The following CSMD1 variants were observed in gnomAD, a reference collection of about 807,000 sequenced individuals.
The protein encoded by CSMD1 is CUB and sushi domain-containing protein 1.
CSMD1 carries 213 observed loss-of-function variants against 417.5 expected under a neutral mutation model. The observed-to-expected ratio is 0.51, with a 90% CI of 0.46 to 0.57. The LOEUF (loss-of-function observed/expected upper bound fraction) is 0.57. Among genes scored for constraint, CSMD1 ranks in the 20% least tolerant of loss-of-function variants. The pLI, the probability that CSMD1 is intolerant of heterozygous loss-of-function variation, is 0.00. For synonymous variants in CSMD1, 2,862 were observed against 1,736.8 expected (o/e 1.65, Z -16.11); for missense variants, 6,923 against 4,529.7 (o/e 1.53, Z -15.17).
At position 3,315,903 on chromosome 8, in the gene CSMD1, C is replaced by T. The variant is rs187614278; in HGVS notation, c.3632-7400G>A. ...AATTTTAAATACATTACATTAATCC[C>T]AAGTGAATTTAATGCTGGTTGTACT... On this transcript the variant is annotated intron_variant, in intron 23 of 69. Coordinates refer to ENST00000635120, the MANE Select transcript of CSMD1 (RefSeq NM_033225.6). Among the ~76,000 whole-genome samples, 87 of 152,224 alleles carry T rather than the reference C, an allele frequency of 5.7e-4. 1 individual carries two copies. The Middle Eastern group carries it at 0.041, about 71-fold the overall frequency.
chr8:3,272,230 C>A (rs1304901625), intron 26 of CSMD1, among the ~76,000 whole-genome samples: 1 of 145,664 alleles, frequency 6.9e-6, no homozygotes, highest in Non-Finnish European at 1.5e-5. Flanking sequence ...TGTCAAAGAT[C>A]AGATAGTTGT....
intron 1 of CSMD1, among the ~76,000 whole-genome samples, chr8:4,927,295 C>T (rs918082126): frequency 6.6e-6 from 1 of 151,804 alleles, no homozygotes; most frequent in African/African-American, 2.4e-5. Context: ...CGTCCTCAAG[C>T]GATCTGCCAG....
chr8:4,086,645 C>G (rs527760775), intron 3 of CSMD1, among the ~76,000 whole-genome samples: 2 of 152,170 alleles, frequency 1.3e-5, no homozygotes, highest in East Asian at 1.9e-4. Flanking sequence ...ATGCACCAAG[C>G]GATTTCATTC....
chr8:4,318,890 G>A (rs1034915157), intron 3 of CSMD1, among the ~76,000 whole-genome samples: 2 of 152,146 alleles, frequency 1.3e-5, no homozygotes, highest in East Asian at 1.9e-4. Context: ...CTAAATGAAC[G>A]TACTTTCTGA....
At chr8:4,243,628 G>T (rs982864423) in intron 3 of CSMD1, among the ~76,000 whole-genome samples, 1 of 152,042 alleles carries the variant, frequency 6.6e-6, no homozygotes, top group Admixed American at 6.6e-5. Flanking sequence ...CGAAAACACA[G>T]AAAATTATTA....
intron 3 of CSMD1, among the ~76,000 whole-genome samples, chr8:4,158,624 T>G (rs1033458003): frequency 1.3e-5 from 2 of 152,102 alleles, no homozygotes; most frequent in Non-Finnish European, 2.9e-5. Context: ...AATGATAATT[T>G]TCACAGTGGC....
intron 3 of CSMD1, among the ~76,000 whole-genome samples, chr8:4,056,367 G>T (rs1210101395): frequency 6.6e-6 from 1 of 150,676 alleles, no homozygotes; most frequent in Non-Finnish European, 1.5e-5. Context: ...ATAGGCATGA[G>T]CCACCATGCC....
chr8:3,257,668 G>A (rs1490926582), intron 26 of CSMD1, among the ~76,000 whole-genome samples: 1 of 152,152 alleles, frequency 6.6e-6, no homozygotes, highest in Non-Finnish European at 1.5e-5. Context: ...AGGCTACTGA[G>A]AAGGAGAACT....
At chr8:3,837,323 T>C (rs1261521390) in intron 5 of CSMD1, among the ~76,000 whole-genome samples, 1 of 152,158 alleles carries the variant, frequency 6.6e-6, no homozygotes, top group African/African-American at 2.4e-5. Context: ...GCAACTAGTA[T>C]TCATTTCTAC....
intron 18 of CSMD1, among the ~76,000 whole-genome samples, chr8:3,384,709 A>AAT (rs1421760484): frequency 3.3e-4 from 29 of 87,152 alleles, no homozygotes; most frequent in African/African-American, 1.1e-3. Context: ...ATTATATATA[A>AAT]ATATATTTAT....
chr8:4,309,903 G>C (rs556167440), intron 3 of CSMD1, among the ~76,000 whole-genome samples: 3 of 152,256 alleles, frequency 2.0e-5, no homozygotes, highest in East Asian at 3.9e-4. Flanking sequence ...CTTCAACTAT[G>C]AAATGTGATT....
At chr8:4,002,834 G>A (rs1256844334) in intron 4 of CSMD1, among the ~76,000 whole-genome samples, 1 of 152,082 alleles carries the variant, frequency 6.6e-6, no homozygotes, top group Non-Finnish European at 1.5e-5. Flanking sequence ...CAAAATACCT[G>A]TTACACAAAT....
At chr8:4,835,183 G>C (rs1309129924) in intron 1 of CSMD1, among the ~76,000 whole-genome samples, 1 of 151,798 alleles carries the variant, frequency 6.6e-6, no homozygotes, top group African/African-American at 2.4e-5. Flanking sequence ...TGAAGCGAAG[G>C]ACAATCAAGA....
intron 8 of CSMD1, among the ~76,000 whole-genome samples, chr8:3,610,779 TG>T (rs1801853879): frequency 6.6e-6 from 1 of 152,092 alleles, no homozygotes; most frequent in African/African-American, 2.4e-5. Context: ...TTTTAAGGTG[TG>T]CCCCACAGAT....
chr8:3,558,482 C>A (rs988031082), intron 10 of CSMD1, among the ~76,000 whole-genome samples: 1 of 148,724 alleles, frequency 6.7e-6, no homozygotes, highest in African/African-American at 2.5e-5. Context: ...CATGTCCACT[C>A]CTCCAATGAT....
At chr8:4,361,601 T>C (rs1490373260) in intron 3 of CSMD1, among the ~76,000 whole-genome samples, 1 of 152,184 alleles carries the variant, frequency 6.6e-6, no homozygotes, top group East Asian at 1.9e-4. Flanking sequence ...TGCCCTATTT[T>C]ATACTCCCAA....
chr8:4,507,807 T>G (rs1309503263), intron 2 of CSMD1, among the ~76,000 whole-genome samples: 1 of 152,180 alleles, frequency 6.6e-6, no homozygotes, highest in Non-Finnish European at 1.5e-5. Flanking sequence ...TATATGAGAA[T>G]GTCTGCTTGT....
intron 12 of CSMD1, among the ~76,000 whole-genome samples, chr8:3,417,286 G>C (rs80037003): frequency 1.3e-5 from 2 of 152,156 alleles, no homozygotes; most frequent in South Asian, 4.1e-4. Context: ...ATATTCTGCA[G>C]AAAACACTCT....
chr8:3,286,276 G>T (rs900790304), intron 25 of CSMD1, among the ~76,000 whole-genome samples: 1 of 152,044 alleles, frequency 6.6e-6, no homozygotes, highest in Non-Finnish European at 1.5e-5. Context: ...GAATAGTGCC[G>T]CTATAAACAT....
Sources: allele counts gnomAD v4.1 joint callset (sites outside exome capture counted in the v4.1 genomes callset), GRCh38; gene constraint gnomAD v4.1.1; transcripts MANE v1.5; gene names NCBI Gene and HGNC (gene_info 2026-07-23, HGNC 2026-07-21).